The following TRPC5 variants were observed in gnomAD, a reference collection of about 807,000 sequenced individuals.
TRPC5 encodes transient receptor potential cation channel subfamily C member 5.
A neutral mutation model predicts 56.5 loss-of-function variants in TRPC5; 9 were observed. The observed-to-expected ratio is 0.16, with a 90% CI of 0.10 to 0.28. The LOEUF (loss-of-function observed/expected upper bound fraction) is 0.28. TRPC5 is among the 10% of genes least tolerant of loss of function. The probability of loss-of-function intolerance (pLI) is 1.00; values close to 1 mark genes in which losing one functional copy is unlikely to be tolerated. For synonymous variants in TRPC5, 282 were observed against 278.5 expected, an observed-to-expected ratio of 1.01 and a Z score of -0.13; for missense variants, 469 against 748.9, an observed-to-expected ratio of 0.63 and a Z score of 4.36.
chrX:112,005,891 T>G (rs16986729), intron 1 of TRPC5, among the ~76,000 whole-genome samples: 9,844 of 111,353 alleles, frequency 0.088, 667 homozygotes, highest in African/African-American at 0.24. Flanking sequence ...CCTGGACAAA[T>G]CTCATCCAAA....
intron 1 of TRPC5, among the ~76,000 whole-genome samples, chrX:112,063,035 A>G (rs1930495122): frequency 1.8e-5 from 2 of 112,232 alleles, no homozygotes; most frequent in South Asian, 7.5e-4. Flanking sequence ...GGTGGAAGGT[A>G]GGATGACTTC....
intron 1 of TRPC5, among the ~76,000 whole-genome samples, chrX:112,006,959 G>A (rs898505977): frequency 7.2e-5 from 8 of 111,221 alleles, no homozygotes; most frequent in Non-Finnish European, 1.3e-4. Context: ...AACCAAGTGT[G>A]AGTACCTATG....
chrX:111,801,022 AT>A (rs998513230), intron 7 of TRPC5, among the ~76,000 whole-genome samples: 2 of 111,449 alleles, frequency 1.8e-5, no homozygotes. Flanking sequence ...AAATAAACTT[AT>A]TGGCAGTTAC....
At chrX:111,990,399 C>T (rs1056127658) in intron 1 of TRPC5, among the ~76,000 whole-genome samples, 3 of 111,322 alleles carry the variant, frequency 2.7e-5, no homozygotes, top group African/African-American at 9.8e-5. Context: ...GCCTGGATGA[C>T]AGAGTGAGAC....
intron 1 of TRPC5, among the ~76,000 whole-genome samples, chrX:111,962,384 G>C (rs1927408605): frequency 8.9e-6 from 1 of 112,226 alleles, no homozygotes; most frequent in Non-Finnish European, 1.9e-5. Context: ...GTACATTTAA[G>C]ATGTTCCAAT....
At chrX:112,051,551 GA>G (rs953518906) in intron 1 of TRPC5, among the ~76,000 whole-genome samples, 15 of 107,886 alleles carry the variant, frequency 1.4e-4, no homozygotes, top group Middle Eastern at 4.8e-3. Flanking sequence ...ATGCTCATGA[GA>G]AAAAAAAAAT....
Position 111,776,852 on chromosome X carries a change from T to C in TRPC5, c.2383A>G (p.Lys795Glu). The C allele has an allele frequency of 8.3e-7, 1 of 1,211,542 alleles. No individual in the cohort carries two copies. Among genetic ancestry groups the C allele is most frequent in the South Asian group, 1.8e-5 (1 of 56,883 alleles). Reference sequence around the variant, plus strand: ...CAGCCTAAATTAAAAGAGACACTCTTGGATTTGGCCCGAGCCCCACCACTG... The same window carrying C: ...CAGCCTAAATTAAAAGAGACACTCTCGGATTTGGCCCGAGCCCCACCACTG... ...DGSGGARAKS[K>E]SVSFNLGCKK... Residue 795 changes from lysine (K) to glutamate (E), a missense_variant, in exon 11 of 11, where the codon AAG becomes GAG. This residue lies in a region of TRPC5 where 194 missense variants were observed against 221.8 expected (regional missense o/e 0.87). Coordinates refer to ENST00000262839, the MANE Select transcript of TRPC5 (RefSeq NM_012471.3).
chrX:111,826,897 C>G lies in TRPC5; in HGVS notation c.1896+8024G>C, dbSNP rs1055571051. Among the ~76,000 whole-genome samples, 5 of 111,190 alleles carry G rather than the reference C, an allele frequency of 4.5e-5. No individual in the cohort carries two copies. The Admixed American group carries it at 4.8e-4, about 11-fold the overall frequency. On this transcript the variant is annotated intron_variant, in intron 7 of 10. Coordinates refer to ENST00000262839, the MANE Select transcript of TRPC5 (RefSeq NM_012471.3). ...CCTTTTATCACTGGAACTGATAGGA[C>G]AAGGAGACTGAACAGTTCAGAGTTG...
intron 1 of TRPC5, among the ~76,000 whole-genome samples, chrX:111,964,217 G>T (rs1927486947): frequency 8.9e-6 from 1 of 111,844 alleles, no homozygotes; most frequent in South Asian, 3.8e-4. Flanking sequence ...TGGAAGAAAG[G>T]GTATCAGTGA....
intron 1 of TRPC5, among the ~76,000 whole-genome samples, chrX:112,030,804 G>C (rs1929568158): frequency 8.9e-6 from 1 of 111,838 alleles, no homozygotes; most frequent in African/African-American, 3.3e-5. Context: ...TGCAAGAGAG[G>C]TGGAGTGGGA....
intron 1 of TRPC5, among the ~76,000 whole-genome samples, chrX:112,045,498 G>T (rs1242562023): frequency 8.9e-6 from 1 of 112,061 alleles, no homozygotes; most frequent in Non-Finnish European, 1.9e-5. Context: ...GTTTTAAGCA[G>T]AATTCGTTAC....
chrX:111,780,738 A>C (rs908963370), intron 9 of TRPC5, among the ~76,000 whole-genome samples: 1 of 112,051 alleles, frequency 8.9e-6, no homozygotes, highest in Non-Finnish European at 1.9e-5. Context: ...GTCAACTGTA[A>C]TTTTAATGAC....
chrX:112,070,563 T>C (rs1483169655), intron 1 of TRPC5, among the ~76,000 whole-genome samples: 2 of 111,386 alleles, frequency 1.8e-5, no homozygotes, highest in African/African-American at 6.5e-5. Context: ...TATATTTGCA[T>C]CCAACTCGAT....
chrX:111,943,689 G>T (rs1026435126), intron 2 of TRPC5, among the ~76,000 whole-genome samples: 7 of 112,230 alleles, frequency 6.2e-5, no homozygotes, highest in African/African-American at 2.3e-4. Context: ...TGATATAGAG[G>T]CCAGCAGCTC....
At chrX:112,060,672 C>T (rs1246063594) in intron 1 of TRPC5, among the ~76,000 whole-genome samples, 1 of 111,578 alleles carries the variant, frequency 9.0e-6, no homozygotes, top group Non-Finnish European at 1.9e-5. Flanking sequence ...ATCATCACTT[C>T]CCAAGCGAAG....
intron 1 of TRPC5, among the ~76,000 whole-genome samples, chrX:111,968,227 C>G (rs1927663227): frequency 9.0e-6 from 1 of 111,180 alleles, no homozygotes; most frequent in African/African-American, 3.3e-5. Flanking sequence ...TGAAAAAATG[C>G]TCATCATCAC....
rs111789087 is a variant in TRPC5, at chrX:111,818,901, G to T, written c.1896+16020C>A. Reference sequence around the variant, plus strand: ...TTACAGGCGTGAGCCACCGTGCCCGGCTACTTTTCAAGCATATCAGTAAAT... The same window carrying T: ...TTACAGGCGTGAGCCACCGTGCCCGTCTACTTTTCAAGCATATCAGTAAAT... On this transcript the variant is annotated intron_variant, in intron 7 of 10. Transcript: ENST00000262839. 2.6e-3 allele frequency among the ~76,000 whole-genome samples: 287 copies of T among 111,722 alleles called. 2 individuals are homozygous for T. The highest frequency in any genetic ancestry group is 9.0e-3 in the African/African-American group (277 of 30,765).
At chrX:111,800,356 A>T (rs948667997) in intron 7 of TRPC5, among the ~76,000 whole-genome samples, 6 of 112,083 alleles carry the variant, frequency 5.4e-5, no homozygotes, top group Non-Finnish European at 1.1e-4. Flanking sequence ...TCATAAGAAT[A>T]CAGTATATGT....
At chrX:111,974,156 C>T (rs1048419822) in intron 1 of TRPC5, among the ~76,000 whole-genome samples, 3 of 111,723 alleles carry the variant, frequency 2.7e-5, no homozygotes, top group Non-Finnish European at 3.8e-5. Flanking sequence ...GGACACAGGG[C>T]ACTAGCCAAT....
Sources: allele counts gnomAD v4.1 joint callset (sites outside exome capture counted in the v4.1 genomes callset), GRCh38; gene constraint gnomAD v4.1.1; regional missense constraint gnomAD v4.1.1; transcripts MANE v1.5; gene names NCBI Gene and HGNC (gene_info 2026-07-23, HGNC 2026-07-21).